The following ZNF658 variants were observed in gnomAD, a reference collection of about 807,000 sequenced individuals.
ZNF658 encodes the protein zinc finger protein 658.
Under a neutral mutation model 78.0 loss-of-function variants are expected in ZNF658, and 46 were observed. The observed-to-expected ratio is 0.59, with a 90% confidence interval of 0.47 to 0.75. The LOEUF (loss-of-function observed/expected upper bound fraction) is 0.75, where lower values mean the gene tolerates loss of function less well. Ranked by LOEUF, ZNF658 falls within the 30% of genes least tolerant of loss-of-function variation. ZNF658 has a pLI of 0.00. For synonymous variants in ZNF658, 279 were observed against 408.4 expected, an observed-to-expected ratio of 0.68 and a Z score of 3.82; for missense variants, 785 against 1,189.3, an observed-to-expected ratio of 0.66 and a Z score of 5.00.
At chr9:66,905,067 T>C (rs1203959843) in intron 2 of ZNF658, among the ~76,000 whole-genome samples, 1 of 112,304 alleles carries the variant, frequency 8.9e-6, no homozygotes, top group East Asian at 2.5e-4. Flanking sequence ...CTTTTTCTTT[T>C]CTTTTTTTTT....
chr9:66,919,860 CAG>C lies in ZNF658; in HGVS notation c.2295_2296del (p.Lys768ThrfsTer3), dbSNP rs1434747053. The C allele has an allele frequency of 1.2e-5, 19 of 1,605,414 alleles. No homozygotes were observed. Among genetic ancestry groups the C allele is most frequent in the African/African-American group, 2.7e-5 (2 of 73,894 alleles). On this transcript the variant is annotated frameshift_variant, in exon 5 of 5. Coordinates refer to ENST00000621410, the MANE Select transcript of ZNF658 (RefSeq NM_033160.7). LOFTEE classifies it high-confidence loss of function. ...CTCAGTACACATCGGAGAATTCACA[CAG>C]GGGAGAAACCCTATGAATGTAGCAA...
At chr9:66,925,214 T>C (rs1822574346), downstream of ZNF658, among the ~76,000 whole-genome samples, 1 of 145,186 alleles carries the variant, frequency 6.9e-6, no homozygotes. Context: ...ACAAGAAAAG[T>C]AAACTAGAGA....
chr9:66,910,594 G>T (rs1297511821), intron 4 of ZNF658, among the ~76,000 whole-genome samples: 2 of 151,996 alleles, frequency 1.3e-5, no homozygotes, highest in East Asian at 3.9e-4. Flanking sequence ...AGATCACGAG[G>T]TCAGGAGATG....
At chr9:66,922,348 A>G (rs1426771030), downstream of ZNF658, among the ~76,000 whole-genome samples, 3 of 151,962 alleles carry the variant, frequency 2.0e-5, no homozygotes, top group African/African-American at 7.3e-5. Context: ...CATGGGCTGC[A>G]CCCACTGTCC....
intron 4 of ZNF658, among the ~76,000 whole-genome samples, chr9:66,910,967 A>G (rs1449312597): frequency 6.6e-6 from 1 of 151,818 alleles, no homozygotes; most frequent in Admixed American, 6.6e-5. Context: ...AAGGATTTGA[A>G]TGACTGCACC....
intron 4 of ZNF658, among the ~76,000 whole-genome samples, chr9:66,914,101 T>C (rs1041157788): frequency 1.7e-4 from 26 of 151,796 alleles, no homozygotes; most frequent in African/African-American, 5.6e-4. Flanking sequence ...TGGCATTGAA[T>C]CTGTAGAACT....
chr9:66,923,727 T>C (rs1443476964), downstream of ZNF658, among the ~76,000 whole-genome samples: 4 of 150,974 alleles, frequency 2.6e-5, no homozygotes. Context: ...TTTATCAGAC[T>C]TAAAAAGGTA....
chr9:66,926,286 A>G (rs1822585202), downstream of ZNF658, among the ~76,000 whole-genome samples: 1 of 137,990 alleles, frequency 7.2e-6, no homozygotes, highest in African/African-American at 2.6e-5. Context: ...AGAAGGAAGA[A>G]GTGAAATTGT....
intron 4 of ZNF658, among the ~76,000 whole-genome samples, chr9:66,915,758 G>GT (rs1363949556): frequency 6.6e-4 from 94 of 142,034 alleles, no homozygotes; most frequent in African/African-American, 2.2e-3. Flanking sequence ...CTCTCTGATG[G>GT]TTTTTATCAT....
intron 1 of ZNF658, chr9:66,903,114 CT>C (rs1342034055): frequency 5.6e-6 from 1 of 177,478 alleles, no homozygotes; most frequent in Non-Finnish European, 1.2e-5. Context: ...TTTATTTTTA[CT>C]TTTTTCTTAG....
Position 66,919,614 on chromosome 9 carries a change from G to A in ZNF658, c.2048G>A (p.Arg683Lys), listed in dbSNP as rs1822451263. The change falls in exon 5 of 5, where the codon AGA becomes AAA. Residue 683 changes from arginine to lysine, a missense_variant. This residue lies in a region of ZNF658 where 75 missense variants were observed against 147.1 expected (regional missense o/e 0.51). Transcript: ENST00000621410. ...GCACATCAGAGAATTCACACAGGTA[G>A]AAAACCCTATGAATGTAGTGACTGT... ...LRAHQRIHTG[R>K]KPYECSDCEK... 1.3e-6 allele frequency: 2 copies of A among 1,590,486 alleles called. No homozygotes were observed. Among genetic ancestry groups the A allele is most frequent in the Admixed American group, 1.7e-5 (1 of 57,568 alleles).
intron 2 of ZNF658, 101 bp from the exon 3 acceptor site, chr9:66,908,137 A>T: frequency 1.2e-6 from 2 of 1,602,396 alleles, no homozygotes; most frequent in Middle Eastern, 1.7e-4. Context: ...CTTTATAACC[A>T]TTCATTTTAG....
chr9:66,928,658 C>T (rs1245277211), intron 6 of ZNF658, among the ~76,000 whole-genome samples: 1 of 150,886 alleles, frequency 6.6e-6, no homozygotes, highest in East Asian at 2.0e-4. Context: ...GGAGACCATC[C>T]TGGCTAACAC....
chr9:66,925,685 T>C (rs1460721564), downstream of ZNF658, among the ~76,000 whole-genome samples: 2 of 152,102 alleles, frequency 1.3e-5, no homozygotes, highest in Non-Finnish European at 2.9e-5. Context: ...ATACCAATCA[T>C]TTTAAAACCC....
At chr9:66,922,347 C>T (rs1479820236), downstream of ZNF658, among the ~76,000 whole-genome samples, 1 of 152,058 alleles carries the variant, frequency 6.6e-6, no homozygotes, top group Non-Finnish European at 1.5e-5. Flanking sequence ...CCATGGGCTG[C>T]ACCCACTGTC....
intron 6 of ZNF658, among the ~76,000 whole-genome samples, chr9:66,931,530 G>A (rs1332994257): frequency 6.6e-6 from 1 of 151,668 alleles, no homozygotes; most frequent in Admixed American, 6.6e-5. Context: ...TATCTATGTA[G>A]GCTGAATGTG....
Position 66,918,823 on chromosome 9 carries a change from A to G in ZNF658, c.1257A>G (p.Lys419=). ...EKTYQYEECA[K]SFCSSSHPIQ... ...CTTACCAATATGAGGAATGTGCAAA[A>G]TCCTTTTGTTCAAGTTCACATCCTA... Residue 419 remains lysine (K), a synonymous_variant, in exon 5 of 5, where the codon AAA becomes AAG. Coordinates refer to ENST00000621410, the MANE Select transcript of ZNF658 (RefSeq NM_033160.7). The G allele has an allele frequency of 6.2e-7, 1 of 1,613,260 alleles. No homozygotes were observed.
intron 4 of ZNF658, among the ~76,000 whole-genome samples, chr9:66,915,408 AAAAG>A (rs1293089029): frequency 1.3e-5 from 2 of 151,852 alleles, no homozygotes; most frequent in East Asian, 3.9e-4. Flanking sequence ...AAAAAAAAAA[AAAAG>A]AGAGAGACTA....
In ZNF658 at chr9:66,910,765, C is replaced by T. The variant is rs978642713; in HGVS notation, c.238+2031C>T. On this transcript the variant is annotated intron_variant, in intron 4 of 4. Coordinates refer to ENST00000621410, the MANE Select transcript of ZNF658 (RefSeq NM_033160.7). ...GAGCCGAGATAGCACCACTGCACTC[C>T]GGCCTGGGCAAAAGAGCGAGACTCA... 4.0e-4 allele frequency among the ~76,000 whole-genome samples: 59 copies of T among 147,158 alleles called. 1 individual carries two copies. The highest frequency in any genetic ancestry group is 3.5e-3 in the Middle Eastern group (1 of 282).
Sources: gnomAD v4.1 joint callset for allele counts (sites outside exome capture counted in the v4.1 genomes callset) on GRCh38, gnomAD v4.1.1 for gene constraint, gnomAD v4.1.1 regional missense constraint, MANE v1.5 for transcripts, NCBI Gene and HGNC (gene_info 2026-07-23, HGNC 2026-07-21) for gene names.